The following CAMK2A variants were observed in gnomAD, a reference collection of about 807,000 sequenced individuals.
CAMK2A encodes calcium/calmodulin-dependent protein kinase type II subunit alpha.
CAMK2A carries 7 observed loss-of-function variants against 79.2 expected under a neutral mutation model. The observed-to-expected ratio is 0.09, with a 90% CI of 0.05 to 0.17. The LOEUF (loss-of-function observed/expected upper bound fraction) is 0.17. Ranked by LOEUF, CAMK2A falls within the 10% of genes least tolerant of loss-of-function variation. CAMK2A has a pLI of 1.00. For synonymous variants in CAMK2A, 242 were observed against 251.7 expected, an observed-to-expected ratio of 0.96 and a Z score of 0.36; for missense variants, 214 against 646.4, an observed-to-expected ratio of 0.33 and a Z score of 7.25.
intron 1 of CAMK2A, among the ~76,000 whole-genome samples, chr5:150,280,179 C>A (rs1757147784): frequency 6.6e-6 from 1 of 152,202 alleles, no homozygotes; most frequent in Admixed American, 6.5e-5. Context: ...GCCTCTTCAC[C>A]TTCACCCCAA....
intron 1 of CAMK2A, among the ~76,000 whole-genome samples, chr5:150,288,644 C>A (rs1212029897): frequency 3.3e-5 from 5 of 152,194 alleles, no homozygotes; most frequent in Non-Finnish European, 5.9e-5. Context: ...CCAACCAGGG[C>A]ATCGGTGCTC....
chr5:150,241,051 C>T (rs1755313701), intron 13 of CAMK2A, among the ~76,000 whole-genome samples: 1 of 152,210 alleles, frequency 6.6e-6, no homozygotes, highest in Non-Finnish European at 1.5e-5. Flanking sequence ...TCCAATAGGA[C>T]TTCTTCCCTC....
At chr5:150,258,763 T>C (rs940447966) in intron 3 of CAMK2A, among the ~76,000 whole-genome samples, 19 of 152,184 alleles carry the variant, frequency 1.2e-4, no homozygotes, top group African/African-American at 3.9e-4. Flanking sequence ...CCCTGAATTG[T>C]TTATGGCTGT....
intron 1 of CAMK2A, among the ~76,000 whole-genome samples, chr5:150,277,559 T>A (rs981386366): frequency 1.3e-5 from 2 of 152,256 alleles, no homozygotes; most frequent in Non-Finnish European, 2.9e-5. Flanking sequence ...AGCACCAAGC[T>A]TTTGTGTAAA....
chr5:150,240,711 CT>C (rs1485638554), intron 13 of CAMK2A, among the ~76,000 whole-genome samples: 1 of 152,218 alleles, frequency 6.6e-6, no homozygotes, highest in Non-Finnish European at 1.5e-5. Context: ...GTGCAGTGGC[CT>C]GCACAAGGCC....
Position 150,256,683 on chromosome 5 carries a change from G to C in CAMK2A, c.339-38C>G, listed in dbSNP as rs1445724659. On this transcript the variant is annotated intron_variant, in intron 5 of 18. Transcript: ENST00000671881. The surrounding 1 kb of genome is among the most constrained non-coding windows in gnomAD (Gnocchi z 4.6). The stretch of plus-strand genomic sequence containing the variant: ...AGAGGAAGGGGTCATGGTGGTGTGA[G>C]CACAGGCCTCCCCTGGGAAGCTGAC... The C allele has an allele frequency of 1.9e-6, 3 of 1,609,170 alleles. No homozygotes were observed. The highest frequency in any genetic ancestry group is 2.6e-6 in the Non-Finnish European group (3 of 1,175,590).
chr5:150,240,603 C>T (rs879436955), intron 13 of CAMK2A, among the ~76,000 whole-genome samples: 2 of 152,214 alleles, frequency 1.3e-5, no homozygotes, highest in Non-Finnish European at 2.9e-5. Context: ...CTTCCCTCAG[C>T]TCTCCAAGCC....
At chr5:150,260,305 C>G (rs758009584) in intron 3 of CAMK2A, among the ~76,000 whole-genome samples, 31 of 151,784 alleles carry the variant, frequency 2.0e-4, no homozygotes, top group Non-Finnish European at 3.8e-4. Flanking sequence ...AAATACAAAA[C>G]AAAATTAGCC....
intron 18 of CAMK2A, 68 bp downstream of exon 18, chr5:150,222,921 T>A: frequency 6.6e-7 from 1 of 1,508,054 alleles, no homozygotes; most frequent in Non-Finnish European, 9.2e-7. Flanking sequence ...TTCCCCGACG[T>A]AACCCCCTCC....
chr5:150,278,971 G>A (rs1757094280), intron 1 of CAMK2A, among the ~76,000 whole-genome samples: 1 of 152,180 alleles, frequency 6.6e-6, no homozygotes, highest in Non-Finnish European at 1.5e-5. Context: ...GAGGAACCAA[G>A]TCTCAGCCCT....
intron 1 of CAMK2A, among the ~76,000 whole-genome samples, chr5:150,283,141 C>T (rs1757283714): frequency 6.6e-6 from 1 of 152,218 alleles, no homozygotes; most frequent in African/African-American, 2.4e-5. Flanking sequence ...ACCACCCTGC[C>T]TGGCCCCCTC....
At chr5:150,250,631 C>T in intron 10 of CAMK2A, 57 bp downstream of exon 10, 3 of 1,603,930 alleles carry the variant, frequency 1.9e-6, no homozygotes, top group Non-Finnish European at 2.6e-6. Flanking sequence ...TCTGTGGGGG[C>T]CTGGATCATG....
At chr5:150,285,908 G>A (rs1757406170) in intron 1 of CAMK2A, among the ~76,000 whole-genome samples, 1 of 152,158 alleles carries the variant, frequency 6.6e-6, no homozygotes, top group Non-Finnish European at 1.5e-5. Flanking sequence ...GAATGCCAAT[G>A]GCTGGAAAAG....
rs996701013 is a variant in CAMK2A, at chr5:150,257,530, C to T, written c.272+33G>A. On this transcript the variant is annotated intron_variant, in intron 4 of 18. Transcript: ENST00000671881. The stretch of plus-strand genomic sequence containing the variant: ...ATCACTGGTTAGGCAGCCCCAACAC[C>T]GTTGGCGCATCCCAGGGCGGGGCCA... The T allele has an allele frequency of 6.9e-5, 106 of 1,540,272 alleles. 1 individual carries two copies. The highest frequency in any genetic ancestry group is 4.8e-4 in the Admixed American group (25 of 51,768).
chr5:150,238,791 C>T (rs765581640), intron 14 of CAMK2A, 43 bp from the exon 15 acceptor site: 120 of 1,532,668 alleles, frequency 7.8e-5, no homozygotes, highest in Admixed American at 5.7e-5. Context: ...TGCCTGGGAG[C>T]GGGACGAGGC....
At chr5:150,238,234 TG>T (rs1755171399) in intron 15 of CAMK2A, 2 of 165,722 alleles carry the variant, frequency 1.2e-5, no homozygotes, top group Admixed American at 1.2e-4. Context: ...GAGGATCACC[TG>T]GGGTCAGCAG....
chr5:150,264,466 C>G (rs1756422249), intron 3 of CAMK2A, among the ~76,000 whole-genome samples: 1 of 152,248 alleles, frequency 6.6e-6, no homozygotes, highest in Non-Finnish European at 1.5e-5. Flanking sequence ...TGCCCTGGCT[C>G]TGTCCCAGCC....
intron 2 of CAMK2A, among the ~76,000 whole-genome samples, chr5:150,270,309 G>T (rs142627619): frequency 1.2e-3 from 181 of 152,342 alleles, no homozygotes; most frequent in African/African-American, 4.1e-3. Context: ...ATTCGGCAGG[G>T]ATTAGAACAG....
chr5:150,290,098 C>G (rs552105777), upstream of CAMK2A: 2 of 154,404 alleles, frequency 1.3e-5, no homozygotes, highest in African/African-American at 4.8e-5. Flanking sequence ...AACTGTGGGG[C>G]CCTTGTAGCA....
Sources: gnomAD v4.1 joint callset for allele counts (sites outside exome capture counted in the v4.1 genomes callset) on GRCh38, gnomAD v4.1.1 for gene constraint, Gnocchi (gnomAD v3.1) non-coding constraint, MANE v1.5 for transcripts, NCBI Gene and HGNC (gene_info 2026-07-23, HGNC 2026-07-21) for gene names.